ADGRL2: variants seen among roughly 807,000 people sequenced by gnomAD.
ADGRL2 encodes calcium-independent alpha-latrotoxin receptor 2.
A neutral mutation model predicts 157.4 loss-of-function variants in ADGRL2; 44 were observed. The ratio of observed to expected loss-of-function variants is 0.28; its 90% CI spans 0.22 to 0.36. The LOEUF (loss-of-function observed/expected upper bound fraction) is 0.36. ADGRL2 is among the 10% of genes least tolerant of loss of function. The pLI, the probability that ADGRL2 is intolerant of heterozygous loss-of-function variation, is 1.00. For missense variants in ADGRL2, 1,510 were observed against 1,768.9 expected, an observed-to-expected ratio of 0.85 and a Z score of 2.63; for synonymous variants, 585 against 624.7, an observed-to-expected ratio of 0.94 and a Z score of 0.95.
At chr1:81,394,256 G>A (rs1557655599) in intron 1 of ADGRL2, among the ~76,000 whole-genome samples, 1 of 152,054 alleles carries the variant, frequency 6.6e-6, no homozygotes. Flanking sequence ...AAAATATACA[G>A]TAAATTGTTA....
chr1:81,652,367 A>C (rs1331904982), intron 3 of ADGRL2, among the ~76,000 whole-genome samples: 1 of 152,172 alleles, frequency 6.6e-6, no homozygotes, highest in East Asian at 1.9e-4. Context: ...CTTTCATTCC[A>C]CCAAATCACC....
chr1:81,827,010 C>T (rs1425247455), intron 1 of ADGRL2, among the ~76,000 whole-genome samples: 1 of 148,662 alleles, frequency 6.7e-6, no homozygotes, highest in Non-Finnish European at 1.5e-5. Flanking sequence ...TTTTAAGGAA[C>T]AGTAGACTTA....
chr1:81,814,866 G>C (rs74095927), intron 1 of ADGRL2, among the ~76,000 whole-genome samples: 1,758 of 151,588 alleles, frequency 0.012, 41 homozygotes, highest in African/African-American at 0.04. Flanking sequence ...AGAATATCAA[G>C]TTTGTTATTT....
chr1:81,486,070 ATAT>A (rs2078493935), intron 2 of ADGRL2, among the ~76,000 whole-genome samples: 1 of 152,218 alleles, frequency 6.6e-6, no homozygotes, highest in Non-Finnish European at 1.5e-5. Flanking sequence ...TTTCTTTTGA[ATAT>A]CCACAAAAGG....
At chr1:81,681,345 C>T (rs1296095182) in intron 3 of ADGRL2, among the ~76,000 whole-genome samples, 5 of 152,184 alleles carry the variant, frequency 3.3e-5, no homozygotes, top group Non-Finnish European at 7.3e-5. Context: ...GTTTGGGACC[C>T]ATTCCAGTGA....
At position 81,407,286 on chromosome 1, in the gene ADGRL2, G is replaced by T. The variant is rs142345950; in HGVS notation, c.-301-37750G>T. Among the ~76,000 whole-genome samples the T allele has an allele frequency of 4.2e-3, 636 of 152,280 alleles. 5 individuals carry two copies. The highest frequency in any genetic ancestry group is 0.014 in the African/African-American group (595 of 41,560). On this transcript the variant is annotated intron_variant, in intron 1 of 24. Coordinates refer to the ADGRL2 transcript ENST00000370721. Reference sequence around the variant, plus strand: ...CAATGAAAACCAGCCTCCTGGATCCGGAGGTCAGTGGGGGAACAAGCAAAG... The same window carrying T: ...CAATGAAAACCAGCCTCCTGGATCCTGAGGTCAGTGGGGGAACAAGCAAAG...
chr1:81,502,514 C>G, intron 2 of ADGRL2: 6 of 1,614,072 alleles, frequency 3.7e-6, no homozygotes, highest in Non-Finnish European at 5.1e-6. Flanking sequence ...CATGGCCAAA[C>G]AGATCCTGGA....
At chr1:81,608,769 T>C (rs748087064) in intron 3 of ADGRL2, among the ~76,000 whole-genome samples, 5 of 152,206 alleles carry the variant, frequency 3.3e-5, no homozygotes, top group Non-Finnish European at 5.9e-5. Flanking sequence ...TTTCCTTCTA[T>C]GCACCCATTC....
At chr1:81,443,250 ATC>A (rs1054028741) in intron 1 of ADGRL2, among the ~76,000 whole-genome samples, 3 of 152,044 alleles carry the variant, frequency 2.0e-5, no homozygotes, top group Middle Eastern at 3.2e-3. Flanking sequence ...ATGAAACCCC[ATC>A]TCTACTAAAA....
intron 1 of ADGRL2, among the ~76,000 whole-genome samples, chr1:81,352,819 A>G (rs1481363478): frequency 1.3e-5 from 2 of 152,168 alleles, no homozygotes; most frequent in African/African-American, 4.8e-5. Context: ...ATCAAAGGGA[A>G]AAGAGTGTTT....
At chr1:81,390,497 G>GA (rs1304167771) in intron 1 of ADGRL2, among the ~76,000 whole-genome samples, 3 of 152,300 alleles carry the variant, frequency 2.0e-5, no homozygotes, top group African/African-American at 7.2e-5. Context: ...CAATTTTTAA[G>GA]ATACAAATGA....
chr1:81,933,401 ATCT>A (rs1469714781), intron 3 of ADGRL2, among the ~76,000 whole-genome samples: 7 of 152,188 alleles, frequency 4.6e-5, no homozygotes, highest in Non-Finnish European at 8.8e-5. Flanking sequence ...TGGTAAAGAA[ATCT>A]TCTTCTGTAG....
rs747833199 is a variant in ADGRL2 at position 81,990,437 on chromosome 1, A to C, written c.3702A>C (p.Leu1234=). The change falls in exon 24 of 24, where the codon CTA becomes CTC. Residue 1234 remains leucine, a synonymous_variant. Coordinates refer to ENST00000686636, the MANE Select transcript of ADGRL2 (RefSeq NM_001366006.2). ...GGGATACAAGTGCCATGGATACTCT[A>C]CCGCTAAATGGTAATTTTAACAACA... The part of the protein sequence containing the change: ...NARDTSAMDT[L]PLNGNFNNSY... 2 of 1,614,098 alleles carry C rather than the reference A, an allele frequency of 1.2e-6. No individual in the cohort carries two copies. The highest frequency in any genetic ancestry group is 3.3e-5 in the Admixed American group (2 of 60,028).
At position 81,981,966 on chromosome 1, in the gene ADGRL2, T is replaced by A. The variant is rs751844952; in HGVS notation, c.3272T>A (p.Leu1091His). 1 of 1,611,224 alleles carries A rather than the reference T, an allele frequency of 6.2e-7. No individual in the cohort carries two copies. Among genetic ancestry groups the A allele is most frequent in the Non-Finnish European group, 8.5e-7 (1 of 1,178,510 alleles). ...GVFIFIFHCA[L>H]QKKVRKEYGK... The stretch of plus-strand genomic sequence containing the variant: ...TTCATTTTCATCTTTCACTGTGCTC[T>A]CCAAAAGAAAGTAAGTAATTGAAAA... Residue 1091 changes from leucine to histidine, a missense_variant, in exon 19 of 24, where the codon CTC becomes CAC. Physicochemically the swap from Leu to His is moderately conservative, Grantham distance 99. Transcript: ENST00000686636.
intron 2 of ADGRL2, among the ~76,000 whole-genome samples, chr1:81,561,142 G>A (rs554007847): frequency 2.6e-5 from 4 of 151,812 alleles, no homozygotes; most frequent in Admixed American, 1.3e-4. Flanking sequence ...ACATCCTTAC[G>A]CTGCTCTACT....
chr1:81,836,594 G>T (rs1404972967), intron 1 of ADGRL2, among the ~76,000 whole-genome samples: 2 of 152,046 alleles, frequency 1.3e-5, no homozygotes, highest in Non-Finnish European at 2.9e-5. Flanking sequence ...AAATAAGTTT[G>T]ATTTGGTGAT....
Position 81,936,834 on chromosome 1 carries a change from T to C in ADGRL2, c.394T>C (p.Tyr132His). 1 of 1,569,198 alleles carries C rather than the reference T, an allele frequency of 6.4e-7. No homozygotes were observed. The highest frequency in any genetic ancestry group is 1.1e-5 in the South Asian group (1 of 90,060). The change falls in exon 4 of 24, where the codon TAC becomes CAC. Residue 132 changes from tyrosine to histidine, a missense_variant. By Grantham distance (83) the Tyr-to-His change is moderately conservative. Coordinates refer to ENST00000686636, the MANE Select transcript of ADGRL2 (RefSeq NM_001366006.2). ...TGAAGTCCAATATGAATGTGTCCCTTACAGTAAGTATGCAGTTTATATTTT... is the reference window on the plus strand; with the variant it reads ...TGAAGTCCAATATGAATGTGTCCCTCACAGTAAGTATGCAGTTTATATTTT... Reference protein sequence around the residue: ...YLEVQYECVPYMEQKVFVCPG... With the variant: ...YLEVQYECVPHMEQKVFVCPG...
At chr1:81,336,051 A>G (rs1447507743) in intron 1 of ADGRL2, among the ~76,000 whole-genome samples, 3 of 152,176 alleles carry the variant, frequency 2.0e-5, no homozygotes, top group African/African-American at 7.2e-5. Context: ...TGTTTGTAAG[A>G]CAAGGGAGAT....
chr1:81,663,653 T>C (rs680833), intron 3 of ADGRL2, among the ~76,000 whole-genome samples: 1 of 152,192 alleles, frequency 6.6e-6, no homozygotes, highest in Non-Finnish European at 1.5e-5. Context: ...TTGGTCATTT[T>C]GTTAGGTTAG....
Sources: allele counts gnomAD v4.1 joint callset (sites outside exome capture counted in the v4.1 genomes callset), GRCh38; gene constraint gnomAD v4.1.1; transcripts MANE v1.5; gene names NCBI Gene and HGNC (gene_info 2026-07-23, HGNC 2026-07-21).